Variants in CMIP observed in about 807,000 individuals in gnomAD.
CMIP encodes the protein c-Maf inducing protein.
Under a neutral mutation model 97.3 loss-of-function variants are expected in CMIP, and 13 were observed. That is an observed-to-expected ratio of 0.13 (90% CI 0.09 to 0.21). The LOEUF is 0.21. Ranked by LOEUF, CMIP falls within the 10% of genes least tolerant of loss-of-function variation. The pLI, the probability that CMIP is intolerant of heterozygous loss-of-function variation, is 1.00. For missense variants in CMIP, 847 were observed against 1,024.9 expected (o/e 0.83, Z 2.37); for synonymous variants, 538 against 436.3 (o/e 1.23, Z -2.91).
chr16:81,694,987 C>A (rs945011909), intron 13 of CMIP, among the ~76,000 whole-genome samples: 1 of 152,210 alleles, frequency 6.6e-6, no homozygotes, highest in African/African-American at 2.4e-5. Context: ...TCAGAATTCT[C>A]CTGGGAACTG....
chr16:81,628,224 C>T (rs539961603), intron 3 of CMIP, among the ~76,000 whole-genome samples: 1 of 152,258 alleles, frequency 6.6e-6, no homozygotes, highest in East Asian at 1.9e-4. Context: ...GCCTCCTGGT[C>T]ATGGGAGCCT....
intron 1 of CMIP, among the ~76,000 whole-genome samples, chr16:81,495,906 T>C (rs1394238593): frequency 6.6e-6 from 1 of 152,142 alleles, no homozygotes; most frequent in African/African-American, 2.4e-5. Context: ...ATCTGTAAAA[T>C]GCAGTTTGCG....
In CMIP at chr16:81,640,296, C is replaced by G. The variant is rs963896796; in HGVS notation, c.478-11907C>G. Among the ~76,000 whole-genome samples the G allele has an allele frequency of 1.5e-3, 231 of 151,246 alleles. 1 individual carries two copies. Among genetic ancestry groups the G allele is most frequent in the African/African-American group, 3.8e-3 (156 of 41,192 alleles). On this transcript the variant is annotated intron_variant, in intron 3 of 20. Transcript: ENST00000537098. ...AGGATAGGACATCAGGCCCCCCCCC[C>G]CCCAATTCCCCAGGGAAAGAAAACC...
intron 3 of CMIP, chr16:81,630,665 G>A (rs2092144128): frequency 6.6e-6 from 1 of 152,140 alleles, no homozygotes; most frequent in African/African-American, 2.4e-5. Flanking sequence ...GGCAAGGATG[G>A]GCGGGAGTCG....
At chr16:81,594,021 C>CCCTTCTCCTCCTCCTCACCCT in intron 1 of CMIP, among the ~76,000 whole-genome samples, 1 of 92,762 alleles carries the variant, frequency 1.1e-5, no homozygotes, top group Non-Finnish European at 2.2e-5. Flanking sequence ...CTTCCTCCCC[C>CCCTTCTCCTCCTCCTCACCCT]CCTTCTCCTC....
At chr16:81,660,306 C>T (rs1403711220) in intron 5 of CMIP, among the ~76,000 whole-genome samples, 1 of 151,456 alleles carries the variant, frequency 6.6e-6, no homozygotes, top group African/African-American at 2.4e-5. Flanking sequence ...CAGAGTCTCA[C>T]TCTGTCACCC....
intron 1 of CMIP, among the ~76,000 whole-genome samples, chr16:81,542,885 C>G (rs374608781): frequency 6.6e-6 from 1 of 152,234 alleles, no homozygotes; most frequent in Admixed American, 6.5e-5. Context: ...CACAAACATA[C>G]AATCCATAGC....
At chr16:81,551,626 C>A (rs2150857390) in intron 1 of CMIP, among the ~76,000 whole-genome samples, 1 of 152,270 alleles carries the variant, frequency 6.6e-6, no homozygotes, top group East Asian at 1.9e-4. Flanking sequence ...GCTCTGTCTT[C>A]CGTTTTCTCT....
Position 81,684,244 on chromosome 16 carries a change from A to G in CMIP, c.1388+5616A>G, listed in dbSNP as rs1012838000. On this transcript the variant is annotated intron_variant, in intron 10 of 20. Coordinates refer to ENST00000537098, the MANE Select transcript of CMIP (RefSeq NM_198390.3). ...TCCTCCGGCCTCGCGGGTAACAGCC[A>G]CTGTTTCTCAGCCTGGGTTCAAATC... Among the ~76,000 whole-genome samples the G allele has an allele frequency of 2.6e-5, 4 of 152,250 alleles. No homozygotes were observed. The South Asian group carries it at 8.3e-4, about 31-fold the overall frequency.
chr16:81,622,368 A>G (rs1211560273), intron 3 of CMIP, among the ~76,000 whole-genome samples: 1 of 152,116 alleles, frequency 6.6e-6, no homozygotes, highest in Non-Finnish European at 1.5e-5. Flanking sequence ...ATCCACTGGG[A>G]GAACATCTCT....
chr16:81,465,640 C>T (rs1175987962), intron 1 of CMIP, among the ~76,000 whole-genome samples: 4 of 152,254 alleles, frequency 2.6e-5, no homozygotes, highest in South Asian at 4.1e-4. Context: ...AATTCCCCAG[C>T]GAGCTGACCT....
chr16:81,606,342 T>C (rs1489283380), intron 1 of CMIP, among the ~76,000 whole-genome samples: 2 of 152,116 alleles, frequency 1.3e-5, no homozygotes, highest in African/African-American at 4.8e-5. Context: ...GTGCCCAGGG[T>C]GCATGGGAGA....
chr16:81,623,713 T>C (rs982434782), intron 3 of CMIP, among the ~76,000 whole-genome samples: 3 of 152,358 alleles, frequency 2.0e-5, no homozygotes, highest in African/African-American at 7.2e-5. Context: ...TACCGCCAGC[T>C]AGCCAAATTA....
intron 1 of CMIP, chr16:81,603,576 G>T (rs1358676415): frequency 2.5e-6 from 1 of 404,492 alleles, no homozygotes; most frequent in Non-Finnish European, 4.9e-6. Context: ...ATTTTATTAG[G>T]TTTCTTTAGG....
At chr16:81,709,662 C>T (rs1338618494) in intron 20 of CMIP, 84 bp from the exon 21 acceptor site, 19 of 1,498,634 alleles carry the variant, frequency 1.3e-5, no homozygotes, top group South Asian at 8.2e-5. Context: ...GACCCCCAGC[C>T]GGCAATGCGG....
At position 81,678,520 on chromosome 16, in the gene CMIP, A is replaced by T; in HGVS notation, c.1280A>T (p.Asn427Ile). Residue 427 changes from asparagine (N) to isoleucine (I), a missense_variant, in exon 10 of 21, where the codon AAC becomes ATC. Physicochemically the swap from Asn to Ile is moderately radical, Grantham distance 149. Transcript: ENST00000537098. ...TASAGNDSEPNLIDCLMVSPA... is the reference protein window; with the variant it reads ...TASAGNDSEPILIDCLMVSPA... ...AGCGCAGGCAACGACAGCGAGCCCA[A>T]CCTCATCGACTGCCTCATGGTCAGC... The T allele has an allele frequency of 6.2e-7, 1 of 1,604,482 alleles. No homozygotes were observed. The highest frequency in any genetic ancestry group is 8.5e-7 in the Non-Finnish European group (1 of 1,176,514).
At chr16:81,683,358 C>T (rs547507472) in intron 10 of CMIP, among the ~76,000 whole-genome samples, 1 of 152,114 alleles carries the variant, frequency 6.6e-6, no homozygotes, top group Non-Finnish European at 1.5e-5. Context: ...TGGAAGAGGC[C>T]CCTCCCTCGG....
chr16:81,484,266 G>T (rs2089279268), intron 1 of CMIP, among the ~76,000 whole-genome samples: 1 of 152,342 alleles, frequency 6.6e-6, no homozygotes, highest in South Asian at 2.1e-4. Context: ...CACAGCAGCT[G>T]GGTGGAGTTC....
intron 1 of CMIP, among the ~76,000 whole-genome samples, chr16:81,457,904 G>T (rs577106828): frequency 8.3e-4 from 126 of 152,308 alleles, no homozygotes; most frequent in African/African-American, 2.7e-3. Context: ...AGCTGGCCTG[G>T]GCGTTGGCAA....
Sources: gnomAD v4.1 joint callset for allele counts (sites outside exome capture counted in the v4.1 genomes callset) on GRCh38, gnomAD v4.1.1 for gene constraint, MANE v1.5 for transcripts, NCBI Gene and HGNC (gene_info 2026-07-23, HGNC 2026-07-21) for gene names.